The following SERGEF variants were observed in gnomAD, a reference collection of about 807,000 sequenced individuals.
The protein encoded by SERGEF is secretion regulating guanine nucleotide exchange factor.
A neutral mutation model predicts 50.0 loss-of-function variants in SERGEF; 51 were observed. The observed-to-expected ratio is 1.02, with a 90% CI of 0.81 to 1.29. The LOEUF is 1.29. Among genes scored for constraint, SERGEF ranks in the 50% most tolerant of loss-of-function variants. SERGEF has a pLI of 0.00. For synonymous variants in SERGEF, 205 were observed against 212.4 expected (o/e 0.97, Z 0.30); for missense variants, 521 against 557.0 (o/e 0.94, Z 0.65).
chr11:17,817,811 C>T (rs969165248), intron 10 of SERGEF, among the ~76,000 whole-genome samples: 2 of 152,174 alleles, frequency 1.3e-5, no homozygotes, highest in Non-Finnish European at 2.9e-5. Context: ...AAGTATTCAA[C>T]CCAAAGGCTG....
chr11:17,932,390 TA>T (rs1399719579), intron 9 of SERGEF, among the ~76,000 whole-genome samples: 3 of 151,968 alleles, frequency 2.0e-5, no homozygotes, highest in Admixed American at 6.6e-5. Context: ...GGTCACTTTT[TA>T]AAAAAAATTC....
intron 10 of SERGEF, among the ~76,000 whole-genome samples, chr11:17,842,114 C>CTTAA (rs1406653418): frequency 1.1e-4 from 16 of 151,988 alleles, no homozygotes; most frequent in African/African-American, 3.6e-4. Flanking sequence ...TTCCATAAGA[C>CTTAA]TTAAGCTCCT....
chr11:17,919,370 C>T (rs891811510), intron 9 of SERGEF, among the ~76,000 whole-genome samples: 31 of 152,040 alleles, frequency 2.0e-4, no homozygotes, highest in African/African-American at 6.0e-4. Flanking sequence ...TAGGAGGCCA[C>T]TGTGATTAGA....
chr11:17,790,688 T>A (rs1014079233), intron 10 of SERGEF, among the ~76,000 whole-genome samples: 1 of 152,220 alleles, frequency 6.6e-6, no homozygotes, highest in Non-Finnish European at 1.5e-5. Flanking sequence ...GTCATGCATG[T>A]ATATGTAAGC....
intron 10 of SERGEF, chr11:17,856,703 G>T (rs957360520): frequency 6.6e-6 from 1 of 152,122 alleles, no homozygotes; most frequent in African/African-American, 2.4e-5. Flanking sequence ...TTGATGTAAA[G>T]AATCAATTAA....
chr11:17,969,139 A>G (rs1472216174), intron 8 of SERGEF, among the ~76,000 whole-genome samples: 1 of 152,212 alleles, frequency 6.6e-6, no homozygotes, highest in African/African-American at 2.4e-5. Flanking sequence ...AACCAACATG[A>G]GAGGCTGGAC....
At chr11:17,912,769 T>G (rs1165524701) in intron 9 of SERGEF, among the ~76,000 whole-genome samples, 6 of 152,218 alleles carry the variant, frequency 3.9e-5, no homozygotes, top group Admixed American at 3.3e-4. Flanking sequence ...ACAATGTGTA[T>G]ACATTCCACC....
At chr11:17,964,994 G>A (rs1487186986) in intron 8 of SERGEF, among the ~76,000 whole-genome samples, 1 of 152,234 alleles carries the variant, frequency 6.6e-6, no homozygotes. Context: ...GGTGCTGGAA[G>A]CAGTCACACC....
At chr11:17,959,906 G>A (rs768845522) in intron 8 of SERGEF, among the ~76,000 whole-genome samples, 55 of 152,200 alleles carry the variant, frequency 3.6e-4, no homozygotes, top group Admixed American at 1.5e-3. Flanking sequence ...TTCTGCTCTT[G>A]CATGTTATAT....
At chr11:17,857,249 G>A (rs1850837311) in intron 10 of SERGEF, among the ~76,000 whole-genome samples, 2 of 152,190 alleles carry the variant, frequency 1.3e-5, no homozygotes, top group Admixed American at 1.3e-4. Flanking sequence ...ATAACTTGCT[G>A]TGTGACTTAG....
At chr11:17,793,313 A>G (rs1193828761) in intron 10 of SERGEF, among the ~76,000 whole-genome samples, 5 of 151,728 alleles carry the variant, frequency 3.3e-5, no homozygotes, top group South Asian at 2.1e-4. Flanking sequence ...AGCCTATAGG[A>G]AAAAAAAAGC....
At chr11:17,882,970 G>A (rs1851362739) in intron 9 of SERGEF, among the ~76,000 whole-genome samples, 1 of 152,174 alleles carries the variant, frequency 6.6e-6, no homozygotes, top group Admixed American at 6.5e-5. Context: ...GGGCCTTCTG[G>A]AGAAGGGGGA....
At chr11:17,825,949 T>A (rs973525689) in intron 10 of SERGEF, among the ~76,000 whole-genome samples, 3 of 152,200 alleles carry the variant, frequency 2.0e-5, no homozygotes, top group Non-Finnish European at 4.4e-5. Context: ...ATCCCAGCTC[T>A]GCTACTCTAT....
At chr11:18,006,536 C>G in intron 3 of SERGEF, 55 bp downstream of exon 3, 1 of 1,524,502 alleles carries the variant, frequency 6.6e-7, no homozygotes, top group Non-Finnish European at 9.0e-7. Context: ...CATCATCATA[C>G]TGTTCTCACC....
At chr11:17,995,663 G>A in intron 6 of SERGEF, 133 bp downstream of exon 6, 1 of 652,078 alleles carries the variant, frequency 1.5e-6, no homozygotes, top group Non-Finnish European at 2.7e-6. Context: ...AAGACTAACA[G>A]ACCAACTAAT....
intron 9 of SERGEF, among the ~76,000 whole-genome samples, chr11:17,913,206 A>G (rs1210839978): frequency 1.3e-5 from 2 of 152,238 alleles, no homozygotes; most frequent in East Asian, 3.8e-4. Flanking sequence ...ATAAGCCTGT[A>G]TCAGCAATAC....
At chr11:17,841,749 C>G (rs1340804952) in intron 10 of SERGEF, among the ~76,000 whole-genome samples, 1 of 152,218 alleles carries the variant, frequency 6.6e-6, no homozygotes, top group Non-Finnish European at 1.5e-5. Context: ...ACATGGCCTG[C>G]AAGAACCTAA....
intron 10 of SERGEF, among the ~76,000 whole-genome samples, chr11:17,826,099 T>G (rs573160324): frequency 2.0e-5 from 3 of 152,330 alleles, no homozygotes; most frequent in Admixed American, 6.5e-5. Flanking sequence ...GCAATTATGG[T>G]AACAAAAGCC....
chr11:17,853,845 AC>A (rs1259588720), intron 10 of SERGEF: 1 of 151,986 alleles, frequency 6.6e-6, no homozygotes, highest in Non-Finnish European at 1.5e-5. Context: ...AACAAAAAAA[AC>A]ATATATACAC....
Sources: allele counts gnomAD v4.1 joint callset (sites outside exome capture counted in the v4.1 genomes callset), GRCh38; gene constraint gnomAD v4.1.1; transcripts MANE v1.5; gene names NCBI Gene and HGNC (gene_info 2026-07-23, HGNC 2026-07-21).